The following DOK6 variants were observed in gnomAD, a reference collection of about 807,000 sequenced individuals.
DOK6 encodes downstream of tyrosine kinase 6.
DOK6 carries 22 observed loss-of-function variants against 44.0 expected under a neutral mutation model. That is an observed-to-expected ratio of 0.50 (90% CI 0.36 to 0.71). DOK6 has a LOEUF of 0.71. DOK6 is among the 30% of genes least tolerant of loss of function. The pLI, the probability that DOK6 is intolerant of heterozygous loss-of-function variation, is 0.00. For missense variants in DOK6, 340 were observed against 416.4 expected (o/e 0.82, Z 1.60); for synonymous variants, 166 against 145.5 (o/e 1.14, Z -1.01).
chr18:69,590,269 T>C lies in DOK6; in HGVS notation c.175-9115T>C, dbSNP rs185299097. 4.9e-3 allele frequency among the ~76,000 whole-genome samples: 749 copies of C among 152,274 alleles called. 4 individuals are homozygous for C. The highest frequency in any genetic ancestry group is 6.4e-3 in the Non-Finnish European group (438 of 67,992). ...GTCCTGCATAAGAACACAAACGGAT[T>C]TCATAATGAGCCAGAAGCATCTGAG... is the stretch of plus-strand genomic sequence containing the variant. On this transcript the variant is annotated intron_variant, in intron 2 of 7. Coordinates refer to ENST00000382713, the MANE Select transcript of DOK6 (RefSeq NM_152721.6).
At chr18:69,611,659 A>G (rs2144631125) in intron 3 of DOK6, among the ~76,000 whole-genome samples, 1 of 152,344 alleles carries the variant, frequency 6.6e-6, no homozygotes, top group East Asian at 1.9e-4. Context: ...GAACAGACTC[A>G]ATATATGCAG....
At chr18:69,639,543 G>C (rs539213031) in intron 3 of DOK6, among the ~76,000 whole-genome samples, 5 of 152,110 alleles carry the variant, frequency 3.3e-5, no homozygotes, top group African/African-American at 1.2e-4. Flanking sequence ...TTGAGTCCTC[G>C]TGCAGCCTTT....
At chr18:69,821,788 G>GTTT (rs5825972) in intron 7 of DOK6, among the ~76,000 whole-genome samples, 7,886 of 133,564 alleles carry the variant, frequency 0.059, 229 homozygotes, top group African/African-American at 0.065. Context: ...GCATGCTATT[G>GTTT]TTTTTTTTTT....
chr18:69,488,260 T>G (rs1980638869), intron 1 of DOK6, among the ~76,000 whole-genome samples: 1 of 152,150 alleles, frequency 6.6e-6, no homozygotes, highest in African/African-American at 2.4e-5. Flanking sequence ...AATTGCTTCT[T>G]AAAGACCCAG....
At chr18:69,693,945 G>C (rs546737845) in intron 4 of DOK6, among the ~76,000 whole-genome samples, 2,417 of 151,074 alleles carry the variant, frequency 0.016, 34 homozygotes, top group Non-Finnish European at 0.026. Flanking sequence ...TGTAGTCCCA[G>C]CTACTCGGGA....
At chr18:69,525,173 A>G (rs1024780489) in intron 1 of DOK6, among the ~76,000 whole-genome samples, 4 of 151,882 alleles carry the variant, frequency 2.6e-5, no homozygotes, top group African/African-American at 9.7e-5. Context: ...CTTTGTTTAT[A>G]GTTTTAGAGG....
chr18:69,720,580 A>T (rs1157536066), intron 5 of DOK6, among the ~76,000 whole-genome samples: 1 of 152,204 alleles, frequency 6.6e-6, no homozygotes, highest in Non-Finnish European at 1.5e-5. Context: ...GAAAGTCTTC[A>T]TCAAATTTTT....
chr18:69,415,471 T>C (rs895526678), intron 1 of DOK6, among the ~76,000 whole-genome samples: 4 of 152,120 alleles, frequency 2.6e-5, no homozygotes, highest in African/African-American at 9.7e-5. Context: ...CATTCTGTGA[T>C]GGTTTGAATC....
chr18:69,429,661 A>C (rs867366720), intron 1 of DOK6, among the ~76,000 whole-genome samples: 101 of 103,140 alleles, frequency 9.8e-4, no homozygotes, highest in Middle Eastern at 5.7e-3. Context: ...ATATATATAT[A>C]TATCTTATTA....
intron 4 of DOK6, among the ~76,000 whole-genome samples, chr18:69,692,957 A>G (rs186152929): frequency 1.1e-3 from 169 of 152,330 alleles, no homozygotes; most frequent in Non-Finnish European, 1.9e-3. Flanking sequence ...TAAAGGTTCA[A>G]TTTTACACAA....
intron 1 of DOK6, among the ~76,000 whole-genome samples, chr18:69,438,218 GAACTTCGCTCA>G (rs1979037581): frequency 6.6e-6 from 1 of 152,026 alleles, no homozygotes; most frequent in Admixed American, 6.6e-5. Flanking sequence ...ATCCATAGTA[GAACTTCGCTCA>G]CAATTGGAAT....
intron 5 of DOK6, among the ~76,000 whole-genome samples, chr18:69,704,475 C>CAT (rs1986589023): frequency 9.3e-6 from 1 of 107,186 alleles, no homozygotes; most frequent in East Asian, 2.8e-4. Flanking sequence ...CCAGATATGA[C>CAT]TTTTTTTTTT....
chr18:69,686,902 T>C (rs1210478668), intron 4 of DOK6, among the ~76,000 whole-genome samples: 13 of 152,064 alleles, frequency 8.5e-5, no homozygotes, highest in African/African-American at 2.4e-5. Flanking sequence ...AGCCCTATAA[T>C]CATTTAAAAA....
intron 1 of DOK6, among the ~76,000 whole-genome samples, chr18:69,489,290 G>T (rs951280462): frequency 6.6e-6 from 1 of 152,100 alleles, no homozygotes; most frequent in Non-Finnish European, 1.5e-5. Context: ...AAATACTAAA[G>T]GTTCATCAGC....
chr18:69,614,544 T>TTC, intron 3 of DOK6, among the ~76,000 whole-genome samples: 1 of 149,126 alleles, frequency 6.7e-6, no homozygotes, highest in East Asian at 2.0e-4. Flanking sequence ...TATTTTTTCT[T>TTC]TGTGTGTGTG....
chr18:69,744,443 T>C (rs183860236), intron 6 of DOK6, among the ~76,000 whole-genome samples: 7 of 106,936 alleles, frequency 6.5e-5, no homozygotes, highest in Non-Finnish European at 1.2e-4. Context: ...CATTTGCATA[T>C]TTGTGATTTT....
intron 1 of DOK6, among the ~76,000 whole-genome samples, chr18:69,477,730 C>A (rs142915450): frequency 6.6e-6 from 1 of 152,118 alleles, no homozygotes; most frequent in African/African-American, 2.4e-5. Context: ...ACATTGATAA[C>A]TTTTAAAGTG....
At chr18:69,595,733 T>C (rs80256078) in intron 2 of DOK6, among the ~76,000 whole-genome samples, 5,558 of 152,286 alleles carry the variant, frequency 0.036, 115 homozygotes, top group East Asian at 0.12. Context: ...CAAAAGTTGA[T>C]GAGTTTATGT....
chr18:69,824,986 A>G (rs187502664), intron 7 of DOK6, among the ~76,000 whole-genome samples: 4 of 152,334 alleles, frequency 2.6e-5, no homozygotes, highest in East Asian at 1.9e-4. Context: ...ATTTCTTTCT[A>G]GTGTTACTTA....
Sources: gnomAD v4.1 joint callset for allele counts (sites outside exome capture counted in the v4.1 genomes callset) on GRCh38, gnomAD v4.1.1 for gene constraint, MANE v1.5 for transcripts, NCBI Gene and HGNC (gene_info 2026-07-23, HGNC 2026-07-21) for gene names.